NALCN: variants seen among roughly 807,000 people sequenced by gnomAD.
The protein encoded by NALCN is sodium leak channel NALCN.
A neutral mutation model predicts 225.3 loss-of-function variants in NALCN; 111 were observed. The observed-to-expected ratio is 0.49, with a 90% CI of 0.42 to 0.58. The LOEUF is 0.58. Ranked by LOEUF, NALCN falls within the 20% of genes least tolerant of loss-of-function variation. NALCN has a pLI of 0.00. For synonymous variants in NALCN, 764 were observed against 769.0 expected, an observed-to-expected ratio of 0.99 and a Z score of 0.11; for missense variants, 1,378 against 2,202.4, an observed-to-expected ratio of 0.63 and a Z score of 7.49.
chr13:101,060,428 A>G (rs1594115321), intron 41 of NALCN, among the ~76,000 whole-genome samples: 1 of 142,356 alleles, frequency 7.0e-6, no homozygotes, highest in African/African-American at 2.6e-5. Flanking sequence ...AAAAGTGTGC[A>G]TGACTGTGGC....
intron 10 of NALCN, among the ~76,000 whole-genome samples, chr13:101,259,165 G>GGA (rs2140219125): frequency 6.6e-6 from 1 of 152,064 alleles, no homozygotes; most frequent in South Asian, 2.1e-4. Context: ...AACAGCCCTA[G>GGA]GAACCTATTC....
chr13:101,152,920 T>C (rs924391543), intron 15 of NALCN, among the ~76,000 whole-genome samples: 18 of 152,104 alleles, frequency 1.2e-4, no homozygotes. Context: ...TCATGTCAAC[T>C]AGATACTTGG....
At chr13:101,358,158 C>T (rs1243881758) in intron 6 of NALCN, among the ~76,000 whole-genome samples, 1 of 152,004 alleles carries the variant, frequency 6.6e-6, no homozygotes, top group Non-Finnish European at 1.5e-5. Context: ...AAAGCAATGG[C>T]AAGAAAAGCC....
intron 14 of NALCN, among the ~76,000 whole-genome samples, chr13:101,181,669 G>A (rs764008482): frequency 6.6e-6 from 1 of 152,074 alleles, no homozygotes; most frequent in Non-Finnish European, 1.5e-5. Context: ...TTGAGCCTGG[G>A]AGGTCGAGGC....
At chr13:101,322,529 G>A (rs1381323001) in intron 7 of NALCN, among the ~76,000 whole-genome samples, 5 of 152,050 alleles carry the variant, frequency 3.3e-5, no homozygotes, top group Non-Finnish European at 7.4e-5. Flanking sequence ...AAATCATCTG[G>A]TTAACGTTTG....
At chr13:101,181,219 G>T (rs369579903) in intron 14 of NALCN, 1 of 518,884 alleles carries the variant, frequency 1.9e-6, no homozygotes, top group Non-Finnish European at 3.8e-6. Context: ...TGTGGTGAGG[G>T]CCTGGTGAGT....
intron 7 of NALCN, among the ~76,000 whole-genome samples, chr13:101,311,744 C>T (rs1363428163): frequency 6.6e-6 from 1 of 152,066 alleles, no homozygotes; most frequent in Non-Finnish European, 1.5e-5. Flanking sequence ...TTTTGATGTG[C>T]TGCTGGATTC....
chr13:101,397,724 G>A lies in NALCN; in HGVS notation c.108+1295C>T, dbSNP rs140308162. On this transcript the variant is annotated intron_variant, in intron 2 of 43. Transcript: ENST00000251127. ...TATAAATATACACACGACCTACAAT[G>A]TATATAATGTAAATATACACATAAT... Among the ~76,000 whole-genome samples the A allele has an allele frequency of 2.8e-3, 418 of 151,598 alleles. 2 individuals are homozygous for A. The highest frequency in any genetic ancestry group is 9.6e-3 in the African/African-American group (398 of 41,322).
intron 1 of NALCN, among the ~76,000 whole-genome samples, chr13:101,409,569 T>G (rs1012078149): frequency 1.3e-5 from 2 of 152,224 alleles, no homozygotes; most frequent in Admixed American, 6.5e-5. Context: ...TACTATCATT[T>G]ATATATTATG....
At chr13:101,299,467 C>A (rs1029506444) in intron 7 of NALCN, among the ~76,000 whole-genome samples, 1 of 151,974 alleles carries the variant, frequency 6.6e-6, no homozygotes, top group African/African-American at 2.4e-5. Flanking sequence ...TTTGGGTAAG[C>A]TTTCAGGTTT....
rs917864170 is a variant in NALCN, at chr13:101,173,124, T to C, written c.1839+3176A>G. Among the ~76,000 whole-genome samples, 63 of 152,208 alleles carry C rather than the reference T, an allele frequency of 4.1e-4. 1 individual carries two copies. Among genetic ancestry groups the C allele is most frequent in the African/African-American group, 1.5e-3 (61 of 41,446 alleles). On this transcript the variant is annotated intron_variant, in intron 15 of 43. Transcript: ENST00000251127. ...AGACTGTAACTCCAGTGGCTCTGATTAGATCCTCTGAGTTTTGAGAGGAAA... is the reference window on the plus strand; with the variant it reads ...AGACTGTAACTCCAGTGGCTCTGATCAGATCCTCTGAGTTTTGAGAGGAAA...
At chr13:101,168,614 G>C (rs574979177) in intron 15 of NALCN, among the ~76,000 whole-genome samples, 1 of 152,104 alleles carries the variant, frequency 6.6e-6, no homozygotes, top group African/African-American at 2.4e-5. Context: ...CTTTGGTTCA[G>C]GCTGCCATCA....
intron 39 of NALCN, among the ~76,000 whole-genome samples, chr13:101,065,877 C>T (rs750822251): frequency 1.3e-5 from 2 of 152,148 alleles, no homozygotes; most frequent in East Asian, 1.9e-4. Context: ...CAGGCTGATG[C>T]TTGCATAGCC....
intron 17 of NALCN, among the ~76,000 whole-genome samples, chr13:101,139,468 G>T (rs1212054875): frequency 6.6e-6 from 1 of 152,160 alleles, no homozygotes; most frequent in Non-Finnish European, 1.5e-5. Context: ...ACCATTAAGA[G>T]AACAGTTTTA....
chr13:101,117,193 A>G (rs1414210342), intron 18 of NALCN, among the ~76,000 whole-genome samples: 2 of 152,236 alleles, frequency 1.3e-5, no homozygotes, highest in African/African-American at 4.8e-5. Context: ...CCAGAACTTC[A>G]TTGTAGGCAG....
chr13:101,321,061 G>GTTAAACACTTCA (rs11271117), intron 7 of NALCN, among the ~76,000 whole-genome samples: 1 of 151,760 alleles, frequency 6.6e-6, no homozygotes, highest in Non-Finnish European at 1.5e-5. Context: ...GCCCATAAAT[G>GTTAAACACTTCA]TCTGTGAAAT....
At chr13:101,259,551 G>A (rs1000612897) in intron 10 of NALCN, among the ~76,000 whole-genome samples, 1 of 151,170 alleles carries the variant, frequency 6.6e-6, no homozygotes, top group Non-Finnish European at 1.5e-5. Flanking sequence ...AGCCAGGATG[G>A]TCTCGATCTT....
intron 7 of NALCN, among the ~76,000 whole-genome samples, chr13:101,328,439 G>A (rs2045042048): frequency 6.6e-6 from 1 of 151,960 alleles, no homozygotes; most frequent in African/African-American, 2.4e-5. Context: ...AGCCTCCCAA[G>A]TAGCTGGGAC....
chr13:101,410,509 T>C (rs547914086), intron 1 of NALCN, among the ~76,000 whole-genome samples: 2 of 152,390 alleles, frequency 1.3e-5, no homozygotes, highest in South Asian at 4.1e-4. Context: ...GAATTTACTT[T>C]TAAAATAACT....
Sources: gnomAD v4.1 joint callset for allele counts (sites outside exome capture counted in the v4.1 genomes callset) on GRCh38, gnomAD v4.1.1 for gene constraint, MANE v1.5 for transcripts, NCBI Gene and HGNC (gene_info 2026-07-23, HGNC 2026-07-21) for gene names.